The following CACNG2 variants were observed in gnomAD, a reference collection of about 807,000 sequenced individuals.
CACNG2 encodes the protein voltage-dependent calcium channel gamma-2 subunit.
In CACNG2, 3 loss-of-function variants were observed where a neutral mutation model predicts 25.9. That is an observed-to-expected ratio of 0.12 (90% confidence interval 0.05 to 0.30). The LOEUF is 0.30. Among genes scored for constraint, CACNG2 ranks in the 10% least tolerant of loss-of-function variants. CACNG2 has a pLI of 1.00. For missense variants in CACNG2, 341 were observed against 432.5 expected (o/e 0.79, Z 1.88); for synonymous variants, 167 against 173.3 (o/e 0.96, Z 0.29).
chr22:36,636,506 T>C (rs566127375), intron 1 of CACNG2, among the ~76,000 whole-genome samples: 8 of 152,258 alleles, frequency 5.3e-5, no homozygotes, highest in African/African-American at 1.9e-4. Flanking sequence ...TGTTAAGAAA[T>C]TGTCCCTGAT....
At chr22:36,569,957 C>T (rs1056371397) in intron 2 of CACNG2, among the ~76,000 whole-genome samples, 5 of 152,188 alleles carry the variant, frequency 3.3e-5, no homozygotes, top group East Asian at 1.9e-4. Flanking sequence ...GCTTCCGAGG[C>T]GCAGCAGCAG....
At chr22:36,665,621 C>G (rs1475983605) in intron 1 of CACNG2, among the ~76,000 whole-genome samples, 1 of 152,108 alleles carries the variant, frequency 6.6e-6, no homozygotes, top group Non-Finnish European at 1.5e-5. Flanking sequence ...TGAAAAGATG[C>G]TTAATATCAT....
At position 36,651,462 on chromosome 22, in the gene CACNG2, C is replaced by G. The variant is rs939298544; in HGVS notation, c.211+50904G>C. On this transcript the variant is annotated intron_variant, in intron 1 of 3. Coordinates refer to ENST00000300105, the MANE Select transcript of CACNG2 (RefSeq NM_006078.5). Reference sequence around the variant, plus strand: ...CTGGCTGGTCTCGAACTCCTGACCTCCAGTGATCTGCCTGCCTTGGCCTCC... The same window carrying G: ...CTGGCTGGTCTCGAACTCCTGACCTGCAGTGATCTGCCTGCCTTGGCCTCC... 5.3e-5 allele frequency among the ~76,000 whole-genome samples: 8 copies of G among 152,120 alleles called. No individual in the cohort carries two copies. In the East Asian group the frequency reaches 1.4e-3, roughly 26 times the overall value.
chr22:36,624,341 A>T (rs1269204432), intron 1 of CACNG2, among the ~76,000 whole-genome samples: 1 of 152,080 alleles, frequency 6.6e-6, no homozygotes, highest in Non-Finnish European at 1.5e-5. Flanking sequence ...GGCACCCCAC[A>T]TCTTCCCCGT....
At chr22:36,608,302 T>C (rs1347458786) in intron 1 of CACNG2, among the ~76,000 whole-genome samples, 1 of 152,172 alleles carries the variant, frequency 6.6e-6, no homozygotes, top group Admixed American at 6.5e-5. Context: ...CATCACTGCC[T>C]TTACCTCTAA....
chr22:36,651,754 T>G (rs1467315415), intron 1 of CACNG2, among the ~76,000 whole-genome samples: 2 of 152,212 alleles, frequency 1.3e-5, no homozygotes, highest in Admixed American at 1.3e-4. Flanking sequence ...AGATGCCCAG[T>G]CAATATTTGT....
rs751155433 is a variant in CACNG2 at position 36,587,510 on chromosome 22, G to A, written c.250C>T (p.Pro84Ser). The change falls in exon 2 of 4, where the codon CCA (proline) becomes TCA (serine). Residue 84 changes from proline (P) to serine (S), a missense_variant. This residue lies in a region of CACNG2 where 169 missense variants were observed against 254.4 expected (regional missense o/e 0.66). Transcript: ENST00000300105. ...KGLCKQIDHF[P>S]EDADYEADTA... Reference sequence around the variant, plus strand: ...TCAGCTTCGTAATCTGCATCCTCTGGGAAGTGATCAATTTGCTTGCACAGA... The same window carrying A: ...TCAGCTTCGTAATCTGCATCCTCTGAGAAGTGATCAATTTGCTTGCACAGA... The A allele has an allele frequency of 6.2e-7, 1 of 1,613,788 alleles. No individual in the cohort carries two copies. Among genetic ancestry groups the A allele is most frequent in the South Asian group, 1.1e-5 (1 of 91,074 alleles).
chr22:36,608,196 G>A (rs1206872262), intron 1 of CACNG2, among the ~76,000 whole-genome samples: 3 of 152,144 alleles, frequency 2.0e-5, no homozygotes. Flanking sequence ...AATTTCTACA[G>A]TAGCTGGGAT....
At chr22:36,637,378 G>T (rs1381343886) in intron 1 of CACNG2, among the ~76,000 whole-genome samples, 2 of 152,314 alleles carry the variant, frequency 1.3e-5, no homozygotes, top group East Asian at 3.9e-4. Flanking sequence ...AACAAGGTTG[G>T]CAGGCTGTTG....
At chr22:36,656,261 T>A (rs531991563) in intron 1 of CACNG2, among the ~76,000 whole-genome samples, 1 of 152,318 alleles carries the variant, frequency 6.6e-6, no homozygotes, top group Non-Finnish European at 1.5e-5. Flanking sequence ...GAAGTGGTAT[T>A]GGGCCCTTGC....
chr22:36,687,628 C>T (rs918695274), intron 1 of CACNG2, among the ~76,000 whole-genome samples: 10 of 152,154 alleles, frequency 6.6e-5, no homozygotes, highest in South Asian at 2.1e-4. Context: ...CCCGTGAGTG[C>T]GCCACATTGC....
chr22:36,564,598 C>G lies in CACNG2; in HGVS notation c.725G>C (p.Arg242Pro). The G allele has an allele frequency of 1.2e-6, 2 of 1,613,974 alleles. No individual in the cohort carries two copies. Among genetic ancestry groups the G allele is most frequent in the Non-Finnish European group, 1.7e-6 (2 of 1,179,962 alleles). ...RYQRRSRSSS[R>P]STEPSHSRDA... Reference sequence around the variant, plus strand: ...CCTGGAGTGTGAGGGCTCCGTGGAGCGCGAGCTGGAGCGGCTGCGGCGCTG... The same window carrying G: ...CCTGGAGTGTGAGGGCTCCGTGGAGGGCGAGCTGGAGCGGCTGCGGCGCTG... Residue 242 changes from arginine to proline, a missense_variant, in exon 4 of 4, where the codon CGC becomes CCC. Transcript: ENST00000300105. This position sits in a 1 kb window ranked among gnomAD's most constrained non-coding sequence, Gnocchi z 6.7.
intron 1 of CACNG2, among the ~76,000 whole-genome samples, chr22:36,643,204 T>C (rs987495071): frequency 4.7e-5 from 7 of 150,276 alleles, no homozygotes; most frequent in Admixed American, 3.3e-4. Flanking sequence ...TTCTTTCTCC[T>C]TCCTTCCTTC....
chr22:36,585,691 C>A (rs79114077), intron 2 of CACNG2, among the ~76,000 whole-genome samples: 2,952 of 152,308 alleles, frequency 0.019, 93 homozygotes, highest in African/African-American at 0.068. Context: ...AGTTTGCCGA[C>A]CCCTGCTACA....
Position 36,703,315 on chromosome 22 carries a change from C to A in CACNG2, c.-739G>T. On this transcript the variant is annotated 5_prime_UTR_variant, in exon 1 of 4. Coordinates refer to ENST00000300105, the MANE Select transcript of CACNG2 (RefSeq NM_006078.5). ...GCGGCAGCAGGACGAGCAGCGGCGG[C>A]GGTTATTGTTGTTGGTGGCGGGGGT... is the stretch of plus-strand genomic sequence containing the variant. 7.6e-6 allele frequency: 1 copy of A among 130,838 alleles called. No individual in the cohort carries two copies. Among genetic ancestry groups the A allele is most frequent in the Non-Finnish European group, 1.6e-5 (1 of 63,634 alleles). The allele number at this position is 130,838 out of a possible 1,614,324, so 8.1% of individuals were successfully genotyped here.
chr22:36,602,749 T>C (rs953173957), intron 1 of CACNG2, among the ~76,000 whole-genome samples: 1 of 152,210 alleles, frequency 6.6e-6, no homozygotes, highest in African/African-American at 2.4e-5. Flanking sequence ...GATGTTACCA[T>C]TGTAATTGTT....
At chr22:36,572,790 A>C (rs1466222568) in intron 2 of CACNG2, among the ~76,000 whole-genome samples, 1 of 152,084 alleles carries the variant, frequency 6.6e-6, no homozygotes, top group Non-Finnish European at 1.5e-5. Flanking sequence ...AGCTGTGGCC[A>C]AGAGTATACT....
chr22:36,602,823 C>T (rs1349691790), intron 1 of CACNG2, among the ~76,000 whole-genome samples: 2 of 152,188 alleles, frequency 1.3e-5, no homozygotes, highest in Non-Finnish European at 2.9e-5. Flanking sequence ...TATGTATGTT[C>T]TGACTGTTCC....
At chr22:36,690,763 CTGATGATGA>C (rs370089879) in intron 1 of CACNG2, among the ~76,000 whole-genome samples, 7 of 152,030 alleles carry the variant, frequency 4.6e-5, no homozygotes, top group African/African-American at 1.7e-4. Context: ...AGAATGCATC[CTGATGATGA>C]TGATGATGAT....
Sources: gnomAD v4.1 joint callset for allele counts (sites outside exome capture counted in the v4.1 genomes callset) on GRCh38, gnomAD v4.1.1 for gene constraint, gnomAD v4.1.1 regional missense constraint, Gnocchi (gnomAD v3.1) non-coding constraint, MANE v1.5 for transcripts, NCBI Gene and HGNC (gene_info 2026-07-23, HGNC 2026-07-21) for gene names.